ZCCHC7: variants seen among roughly 807,000 people sequenced by gnomAD.
ZCCHC7 encodes the protein zinc finger CCHC-type containing 7.
ZCCHC7 carries 35 observed loss-of-function variants against 52.0 expected under a neutral mutation model. The ratio of observed to expected loss-of-function variants is 0.67; its 90% CI spans 0.51 to 0.89. The LOEUF (loss-of-function observed/expected upper bound fraction) is 0.89, where lower values mean the gene tolerates loss of function less well. ZCCHC7 is among the 40% of genes least tolerant of loss of function. ZCCHC7 has a pLI of 0.00. For synonymous variants in ZCCHC7, 217 were observed against 221.5 expected, an observed-to-expected ratio of 0.98 and a Z score of 0.18; for missense variants, 574 against 649.1, an observed-to-expected ratio of 0.88 and a Z score of 1.26.
At chr9:37,306,057 A>ATATTTATT (rs539869053) in intron 5 of ZCCHC7, among the ~76,000 whole-genome samples, 7,536 of 151,752 alleles carry the variant, frequency 0.05, 612 homozygotes, top group African/African-American at 0.17. Flanking sequence ...TTGTGTATTC[A>ATATTTATT]TATTTATTTA....
At chr9:37,277,090 C>T (rs1308409146) in intron 2 of ZCCHC7, among the ~76,000 whole-genome samples, 2 of 152,136 alleles carry the variant, frequency 1.3e-5, no homozygotes, top group Non-Finnish European at 2.9e-5. Flanking sequence ...GCTTACTATG[C>T]ACCAAGTATA....
chr9:37,267,305 G>A (rs75756417), intron 2 of ZCCHC7, among the ~76,000 whole-genome samples: 12,911 of 152,186 alleles, frequency 0.085, 753 homozygotes, highest in Middle Eastern at 0.16. Context: ...TCTGTCGCTT[G>A]TATTTAGCAT....
intron 2 of ZCCHC7, among the ~76,000 whole-genome samples, chr9:37,293,208 A>G (rs1384940389): frequency 1.3e-5 from 2 of 152,178 alleles, no homozygotes; most frequent in South Asian, 4.1e-4. Context: ...TGTTTGATCT[A>G]AGGTCTGGAG....
At chr9:37,122,303 GT>G (rs1842350226) in intron 1 of ZCCHC7, among the ~76,000 whole-genome samples, 1 of 152,172 alleles carries the variant, frequency 6.6e-6, no homozygotes, top group Non-Finnish European at 1.5e-5. Context: ...CTTTTGAATG[GT>G]AATAGCCTTT....
At chr9:37,288,298 A>G (rs1394204156) in intron 2 of ZCCHC7, among the ~76,000 whole-genome samples, 2 of 149,394 alleles carry the variant, frequency 1.3e-5, no homozygotes, top group African/African-American at 4.9e-5. Flanking sequence ...AAAAAAATCT[A>G]TCTATCTATC....
At chr9:37,165,156 G>A (rs980921933) in intron 2 of ZCCHC7, among the ~76,000 whole-genome samples, 1 of 152,052 alleles carries the variant, frequency 6.6e-6, no homozygotes, top group Non-Finnish European at 1.5e-5. Flanking sequence ...AGTATTACTG[G>A]TATATATTGA....
intron 2 of ZCCHC7, among the ~76,000 whole-genome samples, chr9:37,269,642 A>C (rs1424369644): frequency 2.0e-5 from 3 of 148,836 alleles, no homozygotes; most frequent in East Asian, 3.9e-4. Flanking sequence ...AAAAAAAAAA[A>C]AAAACAAAAG....
rs112269057 is a variant in ZCCHC7, at chr9:37,193,906, G to T, written c.610+66964G>T. Among the ~76,000 whole-genome samples, 9 of 152,278 alleles carry T rather than the reference G, an allele frequency of 5.9e-5. 1 individual carries two copies. The highest frequency in any genetic ancestry group is 1.9e-4 in the African/African-American group (8 of 41,554). ...CTCCTCCATGAAGCTTGTCCTGTGT[G>T]ACCCTTGTAACCTGATATCCTCATC... is the stretch of plus-strand genomic sequence containing the variant. On this transcript the variant is annotated intron_variant, in intron 2 of 8. Coordinates refer to ENST00000336755, the MANE Select transcript of ZCCHC7 (RefSeq NM_032226.3).
intron 2 of ZCCHC7, among the ~76,000 whole-genome samples, chr9:37,165,392 C>T (rs1421070082): frequency 6.6e-6 from 1 of 151,062 alleles, no homozygotes; most frequent in African/African-American, 2.4e-5. Flanking sequence ...TTGTCTTGTT[C>T]CTGTTTTTGA....
chr9:37,310,715 T>C (rs1829552666), intron 5 of ZCCHC7, among the ~76,000 whole-genome samples: 1 of 152,110 alleles, frequency 6.6e-6, no homozygotes, highest in South Asian at 2.1e-4. Flanking sequence ...TATGCAGATA[T>C]TATAGCTCTA....
Position 37,356,981 on chromosome 9 carries a change from G to A in ZCCHC7, c.1345G>A (p.Glu449Lys), listed in dbSNP as rs1588718784. ...TCAAGAAAATAAAGAAACACAAAAA[G>A]AAATGAAGAACAAGAATAGAAACTG... ...WPQENKETQK[E>K]MKNKNRNWEK... The change falls in exon 9 of 9, where the codon GAA becomes AAA. Residue 449 changes from glutamate to lysine, a missense_variant. By Grantham distance (56) the Glu-to-Lys change is moderately conservative (BLOSUM62 1). Around this residue, in one of 3 missense-constraint regions of ZCCHC7, gnomAD observed 168 missense variants for 171.6 expected, o/e 0.98. Coordinates refer to ENST00000336755, the MANE Select transcript of ZCCHC7 (RefSeq NM_032226.3). 1 of 1,613,596 alleles carries A rather than the reference G, an allele frequency of 6.2e-7. No individual in the cohort carries two copies. Among genetic ancestry groups the A allele is most frequent in the East Asian group, 2.2e-5 (1 of 44,824 alleles).
intron 8 of ZCCHC7, among the ~76,000 whole-genome samples, chr9:37,355,716 G>C (rs1821659320): frequency 1.3e-5 from 2 of 152,162 alleles, no homozygotes. Flanking sequence ...AAAAGTAGCC[G>C]TTCGTATACA....
rs1431937584 is a variant in ZCCHC7, at chr9:37,126,859, G to T, written c.527G>T (p.Trp176Leu). Residue 176 changes from tryptophan (W) to leucine (L), a missense_variant, in exon 2 of 9, where the codon TGG becomes TTG. By Grantham distance (61) the Trp-to-Leu change is moderately conservative. Coordinates refer to ENST00000336755, the MANE Select transcript of ZCCHC7 (RefSeq NM_032226.3). ...TCAGAAGGTGATAATGTGGAAAGCT[G>T]GATGCTACTGGGATGTGAAGTAGAT... ...TISEGDNVESWMLLGCEVDDK... is the reference protein window; with the variant it reads ...TISEGDNVESLMLLGCEVDDK... 22 of 1,613,994 alleles carry T rather than the reference G, an allele frequency of 1.4e-5. No individual in the cohort carries two copies. Among genetic ancestry groups the T allele is most frequent in the Non-Finnish European group, 1.8e-5 (21 of 1,180,016 alleles).
At chr9:37,133,772 A>G (rs1418211750) in intron 2 of ZCCHC7, among the ~76,000 whole-genome samples, 8 of 152,130 alleles carry the variant, frequency 5.3e-5, no homozygotes. Flanking sequence ...TATTTTTAGT[A>G]GAAACGGGGT....
rs1479568923 is a variant in ZCCHC7, at chr9:37,356,934, C to T, written c.1298C>T (p.Ser433Leu). The T allele has an allele frequency of 1.2e-6, 2 of 1,613,754 alleles. No individual in the cohort carries two copies. Among genetic ancestry groups the T allele is most frequent in the Admixed American group, 3.3e-5 (2 of 59,950 alleles). ...CATGATATAAGGAAGGGCCGTGCCT[C>T]ATGGAAAAGCAACAGGTGGCCTCAA... ...PHHDIRKGRA[S>L]WKSNRWPQEN... Residue 433 changes from serine (S) to leucine (L), a missense_variant, in exon 9 of 9, where the codon TCA (serine) becomes TTA (leucine). This residue lies in a region of ZCCHC7 where 168 missense variants were observed against 171.6 expected (regional missense o/e 0.98). Transcript: ENST00000336755.
intron 6 of ZCCHC7, among the ~76,000 whole-genome samples, chr9:37,338,833 G>A (rs981421913): frequency 6.6e-6 from 1 of 151,878 alleles, no homozygotes; most frequent in Non-Finnish European, 1.5e-5. Context: ...TCTGTTGCAT[G>A]CTAATGATGT....
At chr9:37,188,585 A>G (rs546190407) in intron 2 of ZCCHC7, among the ~76,000 whole-genome samples, 6 of 21,604 alleles carry the variant, frequency 2.8e-4, no homozygotes, top group East Asian at 3.0e-3. Flanking sequence ...CACCTCCCCT[A>G]CCCTCCCCAT....
chr9:37,239,602 A>G (rs567938591), intron 2 of ZCCHC7, among the ~76,000 whole-genome samples: 7 of 152,140 alleles, frequency 4.6e-5, no homozygotes, highest in Non-Finnish European at 1.0e-4. Context: ...ACCAGCTTCT[A>G]TAAGGCTAGG....
rs192879316 is a variant in ZCCHC7, at chr9:37,228,700, G to A, written c.611-73488G>A. Among the ~76,000 whole-genome samples the A allele has an allele frequency of 9.2e-5, 14 of 151,450 alleles. No homozygotes were observed. In the East Asian group the frequency reaches 2.7e-3, roughly 29 times the overall value. The stretch of plus-strand genomic sequence containing the variant: ...TTAAAATCTGATGAGAAAATATATT[G>A]ATATAAGAAAATATGAATTTTTATA... On this transcript the variant is annotated intron_variant, in intron 2 of 8. Transcript: ENST00000336755.
Sources: gnomAD v4.1 joint callset for allele counts (sites outside exome capture counted in the v4.1 genomes callset) on GRCh38, gnomAD v4.1.1 for gene constraint, gnomAD v4.1.1 regional missense constraint, MANE v1.5 for transcripts, NCBI Gene and HGNC (gene_info 2026-07-23, HGNC 2026-07-21) for gene names.